Variants in NAV3 observed in about 807,000 individuals in gnomAD.
NAV3 encodes the protein pore membrane and/or filament interacting like protein 1.
Under a neutral mutation model 244.7 loss-of-function variants are expected in NAV3, and 87 were observed. The ratio of observed to expected loss-of-function variants is 0.36; its 90% CI spans 0.30 to 0.42. The LOEUF (loss-of-function observed/expected upper bound fraction) is 0.42, where lower values mean the gene tolerates loss of function less well. Among genes scored for constraint, NAV3 ranks in the 20% least tolerant of loss-of-function variants. The probability of loss-of-function intolerance (pLI) is 1.00; values close to 1 mark genes in which losing one functional copy is unlikely to be tolerated. For missense variants in NAV3, 2,663 were observed against 2,893.3 expected (o/e 0.92, Z 1.83); for synonymous variants, 1,126 against 1,042.2 (o/e 1.08, Z -1.55).
rs114110728 is a variant in NAV3, at chr12:77,593,864, C to G, written c.72+21598C>G. ...TAGAGCTTATTAGTTTGTCAAACGT[C>G]TTAATGTTCATTTCTCAATATTTTT... is the stretch of plus-strand genomic sequence containing the variant. On this transcript the variant is annotated intron_variant, in intron 2 of 8. Coordinates refer to the NAV3 transcript ENST00000550042. Among the ~76,000 whole-genome samples, 745 of 151,338 alleles carry G rather than the reference C, an allele frequency of 4.9e-3. 9 individuals are homozygous for G. Among genetic ancestry groups the G allele is most frequent in the African/African-American group, 0.017 (707 of 41,228 alleles).
intron 9 of NAV3, among the ~76,000 whole-genome samples, chr12:78,025,746 C>T (rs1877947742): frequency 6.6e-6 from 1 of 151,876 alleles, no homozygotes; most frequent in African/African-American, 2.4e-5. Context: ...ACTGTTAGGT[C>T]CCACACAAAC....
intron 23 of NAV3, among the ~76,000 whole-genome samples, chr12:78,165,242 T>A (rs1254910834): frequency 6.6e-6 from 1 of 152,020 alleles, no homozygotes; most frequent in African/African-American, 2.4e-5. Context: ...ATATCTATCA[T>A]TTTTGAAAAG....
At chr12:78,096,627 C>A (rs186124723) in intron 12 of NAV3, among the ~76,000 whole-genome samples, 2 of 152,064 alleles carry the variant, frequency 1.3e-5, no homozygotes, top group South Asian at 2.1e-4. Context: ...CTCCATAAAA[C>A]CATCAGATCT....
intron 1 of NAV3, among the ~76,000 whole-genome samples, chr12:77,883,616 G>A (rs1028017700): frequency 6.6e-6 from 1 of 152,104 alleles, no homozygotes; most frequent in Non-Finnish European, 1.5e-5. Context: ...AAAAGAAAAA[G>A]CCATTTTCTT....
chr12:77,591,698 C>T (rs1489734544), intron 2 of NAV3, among the ~76,000 whole-genome samples: 1 of 152,002 alleles, frequency 6.6e-6, no homozygotes, highest in Non-Finnish European at 1.5e-5. Flanking sequence ...TGTGTGTATC[C>T]AAGAGGCAAT....
intron 1 of NAV3, among the ~76,000 whole-genome samples, chr12:77,919,160 C>T (rs1887462836): frequency 6.6e-6 from 1 of 151,994 alleles, no homozygotes; most frequent in Admixed American, 6.6e-5. Context: ...AGTGAACAAA[C>T]AACAAATATT....
intron 2 of NAV3, among the ~76,000 whole-genome samples, chr12:77,638,889 A>G (rs1000608254): frequency 6.6e-6 from 1 of 152,172 alleles, no homozygotes; most frequent in Non-Finnish European, 1.5e-5. Flanking sequence ...TTAGGAGACA[A>G]TGTTTAAACA....
At chr12:77,993,690 G>A (rs1360850414) in intron 5 of NAV3, among the ~76,000 whole-genome samples, 1 of 136,868 alleles carries the variant, frequency 7.3e-6, no homozygotes, top group Non-Finnish European at 1.6e-5. Context: ...ATCATCCTAA[G>A]TAATCCTTTC....
chr12:78,142,188 A>G lies in NAV3; in HGVS notation c.4683+1854A>G, dbSNP rs146755858. ...CCACTTTCCTAGATTTGATCGTTAC[A>G]CAGCATATGTTTGTATAATACCACA... On this transcript the variant is annotated intron_variant, in intron 20 of 39. Transcript: ENST00000397909. Among the ~76,000 whole-genome samples the G allele has an allele frequency of 1.2e-3, 189 of 152,258 alleles. 2 individuals carry two copies. The highest frequency in any genetic ancestry group is 4.1e-3 in the African/African-American group (169 of 41,572).
intron 2 of NAV3, among the ~76,000 whole-genome samples, chr12:77,792,535 A>T (rs7957718): frequency 0.93 from 141,766 of 152,176 alleles, 66,821 homozygotes; most frequent in East Asian, 1. Context: ...CATGCTTTCC[A>T]GGGGCTGCTC....
chr12:77,661,121 GA>G lies in NAV3; in HGVS notation c.72+88857del, dbSNP rs201695598. Among the ~76,000 whole-genome samples, 1,007 of 152,214 alleles carry G rather than the reference GA, an allele frequency of 6.6e-3. 9 individuals are homozygous for G. Among genetic ancestry groups the G allele is most frequent in the African/African-American group, 0.023 (970 of 41,554 alleles). ...TTTTCTGGAGAGAGATTGTTGACTA[GA>G]ATGCTAAGTTTGTATTTAACTTTTT... is the stretch of plus-strand genomic sequence containing the variant. On this transcript the variant is annotated intron_variant, in intron 2 of 8. Coordinates refer to the NAV3 transcript ENST00000550042.
intron 2 of NAV3, among the ~76,000 whole-genome samples, chr12:77,621,580 A>G (rs1320836621): frequency 1.3e-5 from 2 of 151,288 alleles, no homozygotes; most frequent in Non-Finnish European, 2.9e-5. Context: ...TCCCGTGTCA[A>G]GCGATTCTCC....
chr12:78,152,374 A>G (rs536949262), intron 22 of NAV3, among the ~76,000 whole-genome samples: 1 of 151,844 alleles, frequency 6.6e-6, no homozygotes, highest in South Asian at 2.1e-4. Flanking sequence ...TAAACATTTT[A>G]ATAATATTGT....
intron 2 of NAV3, among the ~76,000 whole-genome samples, chr12:77,663,871 T>G (rs1275675103): frequency 2.6e-5 from 4 of 152,254 alleles, no homozygotes; most frequent in Admixed American, 6.5e-5. Context: ...TGTGTCTGTA[T>G]ATCTATGTAT....
chr12:77,900,139 C>T (rs964304143), intron 1 of NAV3, among the ~76,000 whole-genome samples: 5 of 150,346 alleles, frequency 3.3e-5, no homozygotes, highest in Non-Finnish European at 5.9e-5. Flanking sequence ...TGCAGTGGCA[C>T]GATCTCGGCT....
intron 16 of NAV3, among the ~76,000 whole-genome samples, chr12:78,123,898 A>G (rs181931350): frequency 3.9e-5 from 6 of 152,328 alleles, no homozygotes; most frequent in African/African-American, 1.4e-4. Context: ...CAGCACTTCT[A>G]AGGTAAATGG....
At chr12:77,633,485 G>A (rs1171465174) in intron 2 of NAV3, among the ~76,000 whole-genome samples, 1 of 152,010 alleles carries the variant, frequency 6.6e-6, no homozygotes, top group Non-Finnish European at 1.5e-5. Flanking sequence ...ACATTCCAAT[G>A]AGATTCATAA....
chr12:77,836,050 C>T (rs1223148906), intron 1 of NAV3, among the ~76,000 whole-genome samples: 1 of 152,160 alleles, frequency 6.6e-6, no homozygotes, highest in Non-Finnish European at 1.5e-5. Flanking sequence ...GTTCTGATTT[C>T]TTTCTTATCT....
At chr12:78,186,318 A>G (rs1432404407) in intron 31 of NAV3, among the ~76,000 whole-genome samples, 3 of 151,960 alleles carry the variant, frequency 2.0e-5, no homozygotes, top group Non-Finnish European at 4.4e-5. Context: ...TGAGTGGCCA[A>G]AAATACAAAT....
Sources: allele counts gnomAD v4.1 joint callset (sites outside exome capture counted in the v4.1 genomes callset), GRCh38; gene constraint gnomAD v4.1.1; transcripts MANE v1.5; gene names NCBI Gene and HGNC (gene_info 2026-07-23, HGNC 2026-07-21).